GOLIM4: variants seen among roughly 807,000 people sequenced by gnomAD.
GOLIM4 encodes 130 kDa golgi-localized phosphoprotein.
A neutral mutation model predicts 107.4 loss-of-function variants in GOLIM4; 71 were observed. The ratio of observed to expected loss-of-function variants is 0.66; its 90% CI spans 0.55 to 0.81. GOLIM4 has a LOEUF of 0.81. GOLIM4 is among the 30% of genes least tolerant of loss of function. The pLI is 0.00. For synonymous variants in GOLIM4, 327 were observed against 294.8 expected (o/e 1.11, Z -1.12); for missense variants, 830 against 826.1 (o/e 1.00, Z -0.06).
At position 168,055,536 on chromosome 3, in the gene GOLIM4, C is replaced by T. The variant is rs187935477; in HGVS notation, c.188-7171G>A. On this transcript the variant is annotated intron_variant, in intron 1 of 15. Coordinates refer to ENST00000470487, the MANE Select transcript of GOLIM4 (RefSeq NM_014498.5). Reference sequence around the variant, plus strand: ...ACTCAGGGCCGGGCGCGGTGGCTCACGCCTGTAATCCCAGCACTTTGGGAG... The same window carrying T: ...ACTCAGGGCCGGGCGCGGTGGCTCATGCCTGTAATCCCAGCACTTTGGGAG... Among the ~76,000 whole-genome samples the T allele has an allele frequency of 7.0e-4, 107 of 152,112 alleles. 1 individual carries two copies. The Middle Eastern group carries it at 0.024, about 34-fold the overall frequency.
intron 1 of GOLIM4, among the ~76,000 whole-genome samples, chr3:168,094,010 C>T (rs1722035144): frequency 6.6e-6 from 1 of 152,186 alleles, no homozygotes; most frequent in Non-Finnish European, 1.5e-5. Flanking sequence ...ATATTTGCAT[C>T]ATCAGCAAAG....
intron 1 of GOLIM4, among the ~76,000 whole-genome samples, chr3:168,079,321 A>G (rs1295109910): frequency 6.6e-6 from 1 of 152,216 alleles, no homozygotes; most frequent in Admixed American, 6.5e-5. Context: ...AGCCAGACAC[A>G]AGAGCATATA....
At chr3:168,017,384 G>A (rs1717432998) in intron 14 of GOLIM4, among the ~76,000 whole-genome samples, 1 of 152,066 alleles carries the variant, frequency 6.6e-6, no homozygotes, top group Admixed American at 6.6e-5. Context: ...TCAGCTACTC[G>A]GGAGGCTGAG....
chr3:168,053,371 T>G (rs1719758467), intron 1 of GOLIM4, among the ~76,000 whole-genome samples: 2 of 152,148 alleles, frequency 1.3e-5, no homozygotes, highest in Admixed American at 6.5e-5. Flanking sequence ...TTGTTTTTGG[T>G]CCCGACTATA....
chr3:168,068,521 T>C (rs1294316833), intron 1 of GOLIM4, among the ~76,000 whole-genome samples: 1 of 152,142 alleles, frequency 6.6e-6, no homozygotes, highest in Non-Finnish European at 1.5e-5. Context: ...AACAATTTGT[T>C]CTTTTTTTCT....
chr3:168,047,993 T>A (rs1315638442), intron 2 of GOLIM4, among the ~76,000 whole-genome samples: 1 of 148,810 alleles, frequency 6.7e-6, no homozygotes, highest in South Asian at 2.2e-4. Flanking sequence ...GTGTAAGTAA[T>A]ATACCCGTTT....
At chr3:168,042,914 C>T (rs1719096352) in intron 5 of GOLIM4, among the ~76,000 whole-genome samples, 1 of 152,180 alleles carries the variant, frequency 6.6e-6, no homozygotes, top group African/African-American at 2.4e-5. Flanking sequence ...CAAGATTCAC[C>T]TGGGCAGTCT....
chr3:168,075,456 C>T (rs2108282792), intron 1 of GOLIM4, among the ~76,000 whole-genome samples: 1 of 151,546 alleles, frequency 6.6e-6, no homozygotes, highest in East Asian at 1.9e-4. Flanking sequence ...GCCACTACGC[C>T]CGGCTAATTT....
rs963494273 is a variant in GOLIM4 at position 168,009,750 on chromosome 3, T to G, written c.*519A>C. The G allele has an allele frequency of 2.6e-5, 4 of 152,296 alleles. No homozygotes were observed. Among genetic ancestry groups the G allele is most frequent in the Admixed American group, 1.3e-4 (2 of 15,292 alleles). The allele number at this position is 152,296 out of a possible 1,614,324, so 9.4% of individuals were successfully genotyped here. On this transcript the variant is annotated 3_prime_UTR_variant, in exon 16 of 16. Coordinates refer to ENST00000470487, the MANE Select transcript of GOLIM4 (RefSeq NM_014498.5). ...GGATTTCCAATTGTATGTCACTTTG[T>G]ACATAGATCTCACTCCAGAGATACA...
At chr3:168,063,264 C>T (rs1720363094) in intron 1 of GOLIM4, among the ~76,000 whole-genome samples, 1 of 152,350 alleles carries the variant, frequency 6.6e-6, no homozygotes, top group Middle Eastern at 3.4e-3. Flanking sequence ...AAGGTCAACA[C>T]TAGACATCTA....
intron 1 of GOLIM4, among the ~76,000 whole-genome samples, chr3:168,076,131 C>T (rs1721074011): frequency 6.6e-6 from 1 of 152,104 alleles, no homozygotes; most frequent in South Asian, 2.1e-4. Flanking sequence ...CAACCTTTTC[C>T]CAAAGTCTTG....
chr3:168,072,163 A>G (rs73174996), intron 1 of GOLIM4, among the ~76,000 whole-genome samples: 6,980 of 152,246 alleles, frequency 0.046, 191 homozygotes, highest in Non-Finnish European at 0.067. Context: ...GGCCAGCCCT[A>G]CATTGCAGGA....
chr3:168,018,172 T>A, intron 14 of GOLIM4, among the ~76,000 whole-genome samples: 1 of 152,174 alleles, frequency 6.6e-6, no homozygotes, highest in East Asian at 1.9e-4. Context: ...ATAAGATCCT[T>A]GAATAACACA....
chr3:168,019,432 TA>T (rs1371769333), intron 14 of GOLIM4, among the ~76,000 whole-genome samples: 1 of 152,216 alleles, frequency 6.6e-6, no homozygotes, highest in Admixed American at 6.5e-5. Flanking sequence ...TCACACCTGA[TA>T]AAATAATTCC....
At position 168,032,837 on chromosome 3, in the gene GOLIM4, C is replaced by G; in HGVS notation, c.859G>C (p.Asp287His). Residue 287 changes from aspartate (D) to histidine (H), a missense_variant, in exon 9 of 16, where the codon GAT becomes CAT. Transcript: ENST00000470487. ...ACTGCTTCATGGTTCTGCCACACAT[C>G]ATTATTTCGAGACACCTAGGCCAAG... ...REVQEVSRNN[D>H]VWQNHEAVPG... 2 of 1,611,358 alleles carry G rather than the reference C, an allele frequency of 1.2e-6. No homozygotes were observed. Among genetic ancestry groups the G allele is most frequent in the Non-Finnish European group, 1.7e-6 (2 of 1,177,948 alleles).
At chr3:168,049,772 A>G (rs887792645) in intron 1 of GOLIM4, among the ~76,000 whole-genome samples, 99 of 152,072 alleles carry the variant, frequency 6.5e-4, no homozygotes, top group African/African-American at 2.3e-3. Context: ...CCCTTTCTCC[A>G]TTGTTATGAT....
At chr3:168,081,327 C>T (rs1721353573) in intron 1 of GOLIM4, among the ~76,000 whole-genome samples, 2 of 152,132 alleles carry the variant, frequency 1.3e-5, no homozygotes, top group African/African-American at 2.4e-5. Context: ...AGACTGACAG[C>T]GGAAAGCTGC....
intron 2 of GOLIM4, 127 bp from the exon 3 acceptor site, chr3:168,047,126 G>C (rs1367449361): frequency 2.0e-6 from 1 of 504,286 alleles, no homozygotes; most frequent in African/African-American, 2.0e-5. Flanking sequence ...TCTACTTGGT[G>C]ATTTACATAC....
At chr3:168,050,497 T>C (rs892911392) in intron 1 of GOLIM4, among the ~76,000 whole-genome samples, 8 of 151,866 alleles carry the variant, frequency 5.3e-5, no homozygotes, top group Admixed American at 1.3e-4. Context: ...GGGAAACATA[T>C]AGGGAAAGAG....
Sources: allele counts gnomAD v4.1 joint callset (sites outside exome capture counted in the v4.1 genomes callset), GRCh38; gene constraint gnomAD v4.1.1; transcripts MANE v1.5; gene names NCBI Gene and HGNC (gene_info 2026-07-23, HGNC 2026-07-21).